TMEM266: variants seen among roughly 807,000 people sequenced by gnomAD.
TMEM266 encodes transmembrane protein 266.
Under a neutral mutation model 50.5 loss-of-function variants are expected in TMEM266, and 33 were observed. The ratio of observed to expected loss-of-function variants is 0.65; its 90% CI spans 0.50 to 0.87. The LOEUF is 0.87. Ranked by LOEUF, TMEM266 falls within the 40% of genes least tolerant of loss-of-function variation. The pLI is 0.00. For missense variants in TMEM266, 655 were observed against 695.1 expected (o/e 0.94, Z 0.65); for synonymous variants, 310 against 292.3 (o/e 1.06, Z -0.62).
intron 8 of TMEM266, 175 bp downstream of exon 8, chr15:76,175,849 C>T (rs2038267888): frequency 1.2e-5 from 7 of 564,680 alleles, no homozygotes; most frequent in Non-Finnish European, 6.3e-6. Flanking sequence ...TCCAGGTTCA[C>T]TGATGTATAG....
At chr15:76,149,880 A>C (rs546306838) in intron 3 of TMEM266, among the ~76,000 whole-genome samples, 43 of 152,382 alleles carry the variant, frequency 2.8e-4, no homozygotes, top group African/African-American at 1.0e-3. Flanking sequence ...CAATGACAGA[A>C]GTTACATTTC....
intron 8 of TMEM266, among the ~76,000 whole-genome samples, chr15:76,180,270 C>T (rs552508877): frequency 1.3e-5 from 2 of 152,132 alleles, no homozygotes; most frequent in Non-Finnish European, 1.5e-5. Flanking sequence ...GTTTGCTCCA[C>T]GTCGCATTCA....
chr15:76,200,433 G>A (rs979491053), intron 9 of TMEM266, among the ~76,000 whole-genome samples: 1 of 152,204 alleles, frequency 6.6e-6, no homozygotes, highest in Non-Finnish European at 1.5e-5. Context: ...GGACCTGCTT[G>A]AGCCCCCATG....
chr15:76,150,176 G>C lies in TMEM266; in HGVS notation c.228-6428G>C, dbSNP rs2037816534. ...ATGTTATGCACAGTGCTGTAGTTTTGTGCATTTGGGGGGTGTAAGGGCATA... is the reference window on the plus strand; with the variant it reads ...ATGTTATGCACAGTGCTGTAGTTTTCTGCATTTGGGGGGTGTAAGGGCATA... On this transcript the variant is annotated intron_variant, in intron 3 of 10. Transcript: ENST00000388942. 1.3e-5 allele frequency among the ~76,000 whole-genome samples: 2 copies of C among 152,288 alleles called. 1 individual carries two copies. Among genetic ancestry groups the C allele is most frequent in the South Asian group, 4.1e-4 (2 of 4,820 alleles).
intron 4 of TMEM266, among the ~76,000 whole-genome samples, chr15:76,157,267 C>T (rs1016232936): frequency 6.6e-6 from 1 of 152,082 alleles, no homozygotes; most frequent in Non-Finnish European, 1.5e-5. Flanking sequence ...AGCATTTTTC[C>T]GCACATTTGA....
At chr15:76,187,706 C>T (rs1476833838) in intron 8 of TMEM266, among the ~76,000 whole-genome samples, 1 of 152,182 alleles carries the variant, frequency 6.6e-6, no homozygotes, top group Non-Finnish European at 1.5e-5. Flanking sequence ...CAGCATCGGG[C>T]TCAGTGTGTG....
chr15:76,202,621 T>C (rs1350419566), intron 10 of TMEM266, among the ~76,000 whole-genome samples: 3 of 152,104 alleles, frequency 2.0e-5, no homozygotes, highest in Non-Finnish European at 2.9e-5. Context: ...TGAGGTGCCA[T>C]AGCACCCCTG....
intron 3 of TMEM266, among the ~76,000 whole-genome samples, chr15:76,143,437 C>T (rs2037711202): frequency 6.6e-6 from 1 of 152,182 alleles, no homozygotes; most frequent in Admixed American, 6.5e-5. Flanking sequence ...GTCCTTTGTC[C>T]AGCATTTGAA....
At position 76,146,300 on chromosome 15, in the gene TMEM266, A is replaced by C. The variant is rs139702603; in HGVS notation, c.227+8405A>C. ...ATCTTTTTAGTGAAAAGAGGGTGCAAAGATGGTCATGGGTGAGGAAGTGGG... is the reference window on the plus strand; with the variant it reads ...ATCTTTTTAGTGAAAAGAGGGTGCACAGATGGTCATGGGTGAGGAAGTGGG... On this transcript the variant is annotated intron_variant, in intron 3 of 10. Transcript: ENST00000388942. Among the ~76,000 whole-genome samples, 438 of 152,308 alleles carry C rather than the reference A, an allele frequency of 2.9e-3. 4 individuals carry two copies. The highest frequency in any genetic ancestry group is 4.8e-3 in the Non-Finnish European group (327 of 68,028).
Position 76,170,920 on chromosome 15 carries a change from G to A in TMEM266, c.514-73G>A. 2.6e-6 allele frequency: 4 copies of A among 1,516,928 alleles called. No individual in the cohort carries two copies. In the South Asian group the frequency reaches 3.8e-5, roughly 14 times the overall value. 94.0% of individuals were successfully genotyped at this position (1,516,928 alleles called of 1,614,324 possible). On this transcript the variant is annotated intron_variant, in intron 6 of 10. Transcript: ENST00000388942. The stretch of plus-strand genomic sequence containing the variant: ...CTGGAAAAGTTGGGCAGCACCAGCT[G>A]CTTTGCCTGACTGACCCCTGGTCCC...
At chr15:76,089,418 C>G (rs1041669174) in intron 1 of TMEM266, among the ~76,000 whole-genome samples, 5 of 151,936 alleles carry the variant, frequency 3.3e-5, no homozygotes, top group Admixed American at 1.3e-4. Flanking sequence ...TGGTCTCGAT[C>G]TCCTGACCTT....
At chr15:76,154,220 G>T (rs769757028) in intron 3 of TMEM266, among the ~76,000 whole-genome samples, 8 of 152,198 alleles carry the variant, frequency 5.3e-5, no homozygotes, top group African/African-American at 1.7e-4. Flanking sequence ...TGAGTCTGTT[G>T]TATGCAATGT....
chr15:76,183,106 T>TC (rs2038443119), intron 8 of TMEM266, among the ~76,000 whole-genome samples: 1 of 36,638 alleles, frequency 2.7e-5, no homozygotes, highest in Non-Finnish European at 5.3e-5. Flanking sequence ...TTTGTGGCTT[T>TC]TTTTTTTTTT....
chr15:76,071,591 A>G lies in TMEM266; in HGVS notation c.-97+11575A>G, dbSNP rs114614868. Among the ~76,000 whole-genome samples the G allele has an allele frequency of 4.1e-3, 619 of 152,318 alleles. 5 individuals carry two copies. Among genetic ancestry groups the G allele is most frequent in the African/African-American group, 0.014 (580 of 41,570 alleles). On this transcript the variant is annotated intron_variant, in intron 1 of 10. Transcript: ENST00000388942. The stretch of plus-strand genomic sequence containing the variant: ...TTCTCATAAGGCCTCTTGAGAAACC[A>G]TAGCTGCATCCCATGGAACATTCAG...
chr15:76,081,039 C>T lies in TMEM266; in HGVS notation c.-97+21023C>T, dbSNP rs73451179. 9.1e-3 allele frequency among the ~76,000 whole-genome samples: 1,386 copies of T among 152,280 alleles called. 17 individuals are homozygous for T. The highest frequency in any genetic ancestry group is 0.031 in the African/African-American group (1,301 of 41,564). On this transcript the variant is annotated intron_variant, in intron 1 of 10. Coordinates refer to ENST00000388942, the MANE Select transcript of TMEM266 (RefSeq NM_152335.3). ...TGCTGGGATTACAGGCATGAGCCTC[C>T]GTACCCAGCACCCTGGGGATGATTC...
rs568692321 is a variant in TMEM266, at chr15:76,161,893, T to G, written c.456+1725T>G. Among the ~76,000 whole-genome samples, 1 of 152,250 alleles carries G rather than the reference T, an allele frequency of 6.6e-6. No homozygotes were observed. Among genetic ancestry groups the G allele is most frequent in the Admixed American group, 6.5e-5 (1 of 15,294 alleles). On this transcript the variant is annotated intron_variant, in intron 5 of 10. Coordinates refer to ENST00000388942, the MANE Select transcript of TMEM266 (RefSeq NM_152335.3). The surrounding 1 kb of genome is among the most constrained non-coding windows in gnomAD (Gnocchi z 4.1). ...TGCAAACCTTGGAAAATGTGCCATG[T>G]GTCTGTGACTGCCAACAAAAATGTT...
At chr15:76,079,891 A>G (rs2036661385) in intron 1 of TMEM266, among the ~76,000 whole-genome samples, 1 of 151,982 alleles carries the variant, frequency 6.6e-6, no homozygotes, top group South Asian at 2.1e-4. Context: ...GTAAGTTTGG[A>G]AAAGATGCCA....
chr15:76,131,485 C>T (rs1325339317), intron 1 of TMEM266, among the ~76,000 whole-genome samples: 1 of 152,226 alleles, frequency 6.6e-6, no homozygotes, highest in Non-Finnish European at 1.5e-5. Flanking sequence ...ATTCTGACTT[C>T]ATTGTCAGTT....
chr15:76,169,855 A>G lies in TMEM266; in HGVS notation c.496A>G (p.Ile166Val), dbSNP rs751672162. 1 of 1,613,840 alleles carries G rather than the reference A, an allele frequency of 6.2e-7. No individual in the cohort carries two copies. Among genetic ancestry groups the G allele is most frequent in the Admixed American group, 1.7e-5 (1 of 60,016 alleles). Residue 166 changes from isoleucine to valine, a missense_variant, in exon 6 of 11, where the codon ATC becomes GTC. Physicochemically the swap from Ile to Val is conservative, Grantham distance 29. Coordinates refer to ENST00000388942, the MANE Select transcript of TMEM266 (RefSeq NM_152335.3). Reference sequence around the variant, plus strand: ...TGTGGTGCTTGGGATCTGGGATTACATCGAAAACAAAATAGAGGTAAAGAC... The same window carrying G: ...TGTGGTGCTTGGGATCTGGGATTACGTCGAAAACAAAATAGAGGTAAAGAC...
Sources: gnomAD v4.1 joint callset for allele counts (sites outside exome capture counted in the v4.1 genomes callset) on GRCh38, gnomAD v4.1.1 for gene constraint, Gnocchi (gnomAD v3.1) non-coding constraint, MANE v1.5 for transcripts, NCBI Gene and HGNC (gene_info 2026-07-23, HGNC 2026-07-21) for gene names.